Variants in LRRC4C observed in about 807,000 individuals in gnomAD.
The protein encoded by LRRC4C is leucine-rich repeat-containing protein 4C.
In LRRC4C, 5 loss-of-function variants were observed where a neutral mutation model predicts 33.6. That is an observed-to-expected ratio of 0.15 (90% CI 0.08 to 0.31). The LOEUF is 0.31. LRRC4C is among the 10% of genes least tolerant of loss of function. LRRC4C has a pLI of 1.00. For missense variants in LRRC4C, 560 were observed against 796.7 expected (o/e 0.70, Z 3.58); for synonymous variants, 329 against 302.0 (o/e 1.09, Z -0.93).
chr11:40,549,002 C>T (rs1957034609), intron 3 of LRRC4C, among the ~76,000 whole-genome samples: 2 of 152,002 alleles, frequency 1.3e-5, no homozygotes, highest in African/African-American at 4.8e-5. Context: ...TCTTTACTAC[C>T]CTAGTTAAAG....
chr11:40,672,333 C>A (rs1944170793), intron 2 of LRRC4C, among the ~76,000 whole-genome samples: 2 of 152,110 alleles, frequency 1.3e-5, no homozygotes, highest in African/African-American at 4.8e-5. Flanking sequence ...CTAATCACCT[C>A]CCAAATGCCT....
intron 6 of LRRC4C, among the ~76,000 whole-genome samples, chr11:40,124,464 C>G (rs1856056741): frequency 6.6e-6 from 1 of 152,154 alleles, no homozygotes; most frequent in Non-Finnish European, 1.5e-5. Context: ...CAATGAAGTT[C>G]TATTCAGCTG....
chr11:41,282,795 T>G (rs73481776), intron 1 of LRRC4C, among the ~76,000 whole-genome samples: 156 of 152,240 alleles, frequency 1.0e-3, no homozygotes, highest in African/African-American at 3.5e-3. Context: ...GAGGCCTCCA[T>G]AGGAGCCAAC....
intron 1 of LRRC4C, among the ~76,000 whole-genome samples, chr11:40,939,367 A>C (rs1006356758): frequency 6.6e-6 from 1 of 152,174 alleles, no homozygotes; most frequent in Non-Finnish European, 1.5e-5. Context: ...TTAAATCATT[A>C]TATCTTCTTT....
At chr11:40,830,594 G>A (rs1479561017) in intron 2 of LRRC4C, among the ~76,000 whole-genome samples, 2 of 151,956 alleles carry the variant, frequency 1.3e-5, no homozygotes, top group Non-Finnish European at 2.9e-5. Context: ...AAATCAAATT[G>A]GTGTAAAATA....
chr11:40,404,803 C>A (rs549775931), intron 3 of LRRC4C, among the ~76,000 whole-genome samples: 14 of 151,968 alleles, frequency 9.2e-5, no homozygotes, highest in Admixed American at 2.6e-4. Context: ...CAAATACTCT[C>A]CCATTTGCCT....
chr11:40,313,110 C>T (rs1387693526), intron 4 of LRRC4C, among the ~76,000 whole-genome samples: 3 of 152,078 alleles, frequency 2.0e-5, no homozygotes, highest in Non-Finnish European at 2.9e-5. Context: ...CAATCTCTAC[C>T]TCTGGACATT....
At chr11:40,989,941 G>C (rs1018911240) in intron 1 of LRRC4C, among the ~76,000 whole-genome samples, 1 of 151,792 alleles carries the variant, frequency 6.6e-6, no homozygotes, top group African/African-American at 2.4e-5. Flanking sequence ...TATTTATATT[G>C]TGTTAGGTAT....
At chr11:41,336,150 C>T (rs1345039428) in intron 1 of LRRC4C, among the ~76,000 whole-genome samples, 1 of 151,816 alleles carries the variant, frequency 6.6e-6, no homozygotes, top group Non-Finnish European at 1.5e-5. Flanking sequence ...AAATCCAACA[C>T]ATAAAACTCA....
intron 1 of LRRC4C, among the ~76,000 whole-genome samples, chr11:41,368,704 T>A (rs1952633529): frequency 6.6e-6 from 1 of 152,188 alleles, no homozygotes; most frequent in African/African-American, 2.4e-5. Context: ...TCAAAATGTG[T>A]TGTATGGAGC....
chr11:41,180,910 TA>T (rs201677778), intron 1 of LRRC4C, among the ~76,000 whole-genome samples: 2,232 of 149,372 alleles, frequency 0.015, 58 homozygotes, highest in African/African-American at 0.047. Context: ...AAGAAGTGAT[TA>T]AAAAAAAAAT....
intron 1 of LRRC4C, among the ~76,000 whole-genome samples, chr11:41,220,510 C>T (rs1260845269): frequency 2.1e-5 from 3 of 140,574 alleles, no homozygotes; most frequent in African/African-American, 7.9e-5. Context: ...AATAATTATC[C>T]TCCAATATTA....
At chr11:40,523,800 A>T (rs1452182414) in intron 3 of LRRC4C, among the ~76,000 whole-genome samples, 1 of 152,026 alleles carries the variant, frequency 6.6e-6, no homozygotes, top group Non-Finnish European at 1.5e-5. Flanking sequence ...AGGATCTAAC[A>T]TCCATTACTT....
chr11:41,195,133 T>A (rs569224775), intron 1 of LRRC4C, among the ~76,000 whole-genome samples: 2 of 152,118 alleles, frequency 1.3e-5, no homozygotes, highest in East Asian at 3.9e-4. Context: ...TTTTTTCTCC[T>A]CATAGGCCCC....
chr11:40,325,817 C>G (rs1404877732), intron 3 of LRRC4C, among the ~76,000 whole-genome samples: 2 of 151,700 alleles, frequency 1.3e-5, no homozygotes, highest in Non-Finnish European at 2.9e-5. Context: ...AAATAAATAG[C>G]CTTTATTGGT....
At chr11:41,192,095 A>G (rs1184796683) in intron 1 of LRRC4C, among the ~76,000 whole-genome samples, 1 of 152,166 alleles carries the variant, frequency 6.6e-6, no homozygotes, top group East Asian at 1.9e-4. Flanking sequence ...CTGCTTCAGC[A>G]TTAACTTATT....
chr11:40,216,629 C>A (rs976933), intron 5 of LRRC4C, among the ~76,000 whole-genome samples: 7 of 151,984 alleles, frequency 4.6e-5, no homozygotes, highest in African/African-American at 1.5e-4. Flanking sequence ...AACACAGAAC[C>A]GCAAGAAAAA....
At chr11:40,604,653 G>C (rs998538091) in intron 3 of LRRC4C, among the ~76,000 whole-genome samples, 1 of 151,994 alleles carries the variant, frequency 6.6e-6, no homozygotes, top group Admixed American at 6.6e-5. Flanking sequence ...CAAAATTAAA[G>C]TATGTTTTAT....
intron 5 of LRRC4C, among the ~76,000 whole-genome samples, chr11:40,218,677 T>C (rs1864168358): frequency 7.4e-6 from 1 of 135,388 alleles, no homozygotes; most frequent in Admixed American, 7.8e-5. Context: ...AAAGAATGGC[T>C]AAAGAATGAT....
Sources: gnomAD v4.1 joint callset for allele counts (sites outside exome capture counted in the v4.1 genomes callset) on GRCh38, gnomAD v4.1.1 for gene constraint, MANE v1.5 for transcripts, NCBI Gene and HGNC (gene_info 2026-07-23, HGNC 2026-07-21) for gene names.